The following STARD13 variants were observed in gnomAD, a reference collection of about 807,000 sequenced individuals.
STARD13 encodes the protein StAR related lipid transfer domain containing 13.
STARD13 carries 62 observed loss-of-function variants against 106.4 expected under a neutral mutation model. The observed-to-expected ratio is 0.58, with a 90% CI of 0.48 to 0.72. The LOEUF (loss-of-function observed/expected upper bound fraction) is 0.72, where lower values mean the gene tolerates loss of function less well. Ranked by LOEUF, STARD13 falls within the 30% of genes least tolerant of loss-of-function variation. The pLI, the probability that STARD13 is intolerant of heterozygous loss-of-function variation, is 0.00. For synonymous variants in STARD13, 565 were observed against 553.0 expected, an observed-to-expected ratio of 1.02 and a Z score of -0.31; for missense variants, 1,387 against 1,424.0, an observed-to-expected ratio of 0.97 and a Z score of 0.42.
rs923807788 is a variant in STARD13, at chr13:33,130,859, G to C, written c.388-570C>G. 6.6e-6 allele frequency among the ~76,000 whole-genome samples: 1 copy of C among 152,176 alleles called. No homozygotes were observed. Among genetic ancestry groups the C allele is most frequent in the African/African-American group, 2.4e-5 (1 of 41,436 alleles). Reference sequence around the variant, plus strand: ...TAAGGTAACAGCAAAATGAACCACTGAATTTCTTTAAGTAGAGATGAGGGA... The same window carrying C: ...TAAGGTAACAGCAAAATGAACCACTCAATTTCTTTAAGTAGAGATGAGGGA... On this transcript the variant is annotated intron_variant, in intron 4 of 13. Transcript: ENST00000336934. This position sits in a 1 kb window ranked among gnomAD's most constrained non-coding sequence, Gnocchi z 4.1.
the STARD13 span, chr13:33,439,729 A>G: frequency 1.6e-6 from 2 of 1,246,070 alleles, no homozygotes; most frequent in Admixed American, 2.3e-5. Context: ...GAGCACCTGT[A>G]AAAAAACAGT....
At chr13:33,376,309 G>A in the STARD13 span, among the ~76,000 whole-genome samples, 8 of 152,138 alleles carry the variant, frequency 5.3e-5, no homozygotes, top group African/African-American at 1.9e-4. Flanking sequence ...GGATACCTAA[G>A]TTTAAATAAA....
At chr13:33,372,951 G>A in the STARD13 span, among the ~76,000 whole-genome samples, 2 of 152,060 alleles carry the variant, frequency 1.3e-5, no homozygotes, top group Non-Finnish European at 2.9e-5. Flanking sequence ...ACCAACAGGG[G>A]TCATGCTTCA....
At chr13:33,109,031 C>A (rs538022073) in intron 12 of STARD13, among the ~76,000 whole-genome samples, 3 of 152,204 alleles carry the variant, frequency 2.0e-5, no homozygotes, top group African/African-American at 7.2e-5. Flanking sequence ...GAAAAGTAAC[C>A]TTTAGTTTGC....
At chr13:33,455,973 C>T in the STARD13 span, among the ~76,000 whole-genome samples, 1 of 151,894 alleles carries the variant, frequency 6.6e-6, no homozygotes, top group Non-Finnish European at 1.5e-5. Context: ...TAAATAAATA[C>T]ATAAATAAAT....
the STARD13 span, among the ~76,000 whole-genome samples, chr13:33,557,975 C>T: frequency 5.1e-4 from 77 of 152,130 alleles, no homozygotes; most frequent in Non-Finnish European, 2.2e-4. Flanking sequence ...CAGAGAAGCA[C>T]AAGGGAGTAA....
At chr13:33,175,895 T>C (rs1884468684) in intron 1 of STARD13, among the ~76,000 whole-genome samples, 1 of 152,222 alleles carries the variant, frequency 6.6e-6, no homozygotes, top group Non-Finnish European at 1.5e-5. Context: ...TGCTGTTTGA[T>C]TTGCTCAACT....
the STARD13 span, among the ~76,000 whole-genome samples, chr13:33,530,119 G>GT: frequency 0.013 from 1,917 of 143,522 alleles, 24 homozygotes; most frequent in African/African-American, 0.037. Flanking sequence ...CTCTACTCAT[G>GT]TTTTTTTTTT....
At chr13:33,548,120 A>G in the STARD13 span, among the ~76,000 whole-genome samples, 13 of 152,342 alleles carry the variant, frequency 8.5e-5, no homozygotes, top group African/African-American at 3.1e-4. Flanking sequence ...GAATGTAACT[A>G]TCATGTTGAT....
chr13:33,499,519 T>TTTCTTTCTTTCTTC, the STARD13 span, among the ~76,000 whole-genome samples: 2 of 91,974 alleles, frequency 2.2e-5, no homozygotes, highest in African/African-American at 7.9e-5. Flanking sequence ...TTCTTCTTTC[T>TTTCTTTCTTTCTTC]TTCTTCTTCT....
intron 1 of STARD13, chr13:33,276,125 C>T (rs1376212769): frequency 6.6e-6 from 1 of 152,172 alleles, no homozygotes; most frequent in Non-Finnish European, 1.5e-5. Flanking sequence ...CTTAGACCTT[C>T]CAACTAAAAG....
At chr13:33,431,071 G>A in the STARD13 span, among the ~76,000 whole-genome samples, 2 of 152,170 alleles carry the variant, frequency 1.3e-5, no homozygotes, top group Admixed American at 1.3e-4. Flanking sequence ...GAACAATTTG[G>A]ATATTTCTAG....
intron 1 of STARD13, among the ~76,000 whole-genome samples, chr13:33,333,201 C>T (rs1175877438): frequency 6.6e-6 from 1 of 151,960 alleles, no homozygotes; most frequent in Non-Finnish European, 1.5e-5. Context: ...ACAAGCCTGG[C>T]CAACATGATG....
rs1593913575 is a variant in STARD13 at position 33,129,999 on chromosome 13, T to G, written c.678A>C (p.Pro226=). 6.2e-7 allele frequency: 1 copy of G among 1,612,864 alleles called. No homozygotes were observed. Among genetic ancestry groups the G allele is most frequent in the Non-Finnish European group, 8.5e-7 (1 of 1,179,662 alleles). Residue 226 remains proline (P), a synonymous_variant, in exon 5 of 14, where the codon CCA becomes CCC. Transcript: ENST00000336934. ...CTDNPVMLDA[P]LVSSSLPQPP... ...GCTGTGGGAGGCTGCTGCTGACGAG[T>G]GGGGCATCCAGCATGACCGGGTTGT...
the STARD13 span, among the ~76,000 whole-genome samples, chr13:33,396,257 A>C: frequency 6.6e-6 from 1 of 152,176 alleles, no homozygotes; most frequent in Non-Finnish European, 1.5e-5. Flanking sequence ...CAGCCTCCCC[A>C]AGTACTGAGA....
the STARD13 span, among the ~76,000 whole-genome samples, chr13:33,635,793 G>A: frequency 6.6e-6 from 1 of 150,666 alleles, no homozygotes. Context: ...GACCAGCCTG[G>A]CCAATGTGGC....
intron 1 of STARD13, among the ~76,000 whole-genome samples, chr13:33,337,819 C>T (rs2077913917): frequency 6.6e-6 from 1 of 152,234 alleles, no homozygotes; most frequent in South Asian, 2.1e-4. Flanking sequence ...CCAGCTACAT[C>T]ATTTGCAGGG....
At chr13:33,350,450 A>G (rs201608020) in exon 1 of STARD13, 3 of 1,511,722 alleles carry the variant, frequency 2.0e-6, no homozygotes, top group East Asian at 2.5e-5. Context: ...CGGGCTCTCC[A>G]CCGCCACTCC....
At chr13:33,189,434 C>CGAAA (rs1566062338) in intron 1 of STARD13, among the ~76,000 whole-genome samples, 1,796 of 19,200 alleles carry the variant, frequency 0.094, 52 homozygotes, top group East Asian at 0.3. Flanking sequence ...TTCCTCCTTT[C>CGAAA]GGAGGAAGGA....
Sources: gnomAD v4.1 joint callset for allele counts (sites outside exome capture counted in the v4.1 genomes callset) on GRCh38, gnomAD v4.1.1 for gene constraint, Gnocchi (gnomAD v3.1) non-coding constraint, MANE v1.5 for transcripts, NCBI Gene and HGNC (gene_info 2026-07-23, HGNC 2026-07-21) for gene names.